BRINP3: variants seen among roughly 807,000 people sequenced by gnomAD.
BRINP3 encodes the protein BMP/retinoic acid-inducible neural-specific protein 3.
BRINP3 carries 19 observed loss-of-function variants against 71.0 expected under a neutral mutation model. The observed-to-expected ratio is 0.27, with a 90% CI of 0.19 to 0.39. The LOEUF (loss-of-function observed/expected upper bound fraction) is 0.39, where lower values mean the gene tolerates loss of function less well. BRINP3 is among the 10% of genes least tolerant of loss of function. The probability of loss-of-function intolerance (pLI) is 1.00; values close to 1 mark genes in which losing one functional copy is unlikely to be tolerated. For synonymous variants in BRINP3, 380 were observed against 337.7 expected, an observed-to-expected ratio of 1.13 and a Z score of -1.37; for missense variants, 959 against 940.8, an observed-to-expected ratio of 1.02 and a Z score of -0.25.
intron 7 of BRINP3, among the ~76,000 whole-genome samples, chr1:190,153,847 T>C (rs139605268): frequency 6.6e-6 from 1 of 152,136 alleles, no homozygotes; most frequent in Admixed American, 6.6e-5. Context: ...TAAGACTCTG[T>C]CTCAACAAAA....
At chr1:190,152,796 A>C (rs1201334726) in intron 7 of BRINP3, among the ~76,000 whole-genome samples, 1 of 152,072 alleles carries the variant, frequency 6.6e-6, no homozygotes, top group Non-Finnish European at 1.5e-5. Context: ...TTATAGTCGT[A>C]CTCTGCCTAA....
At chr1:190,392,712 T>C (rs1311604963) in intron 2 of BRINP3, among the ~76,000 whole-genome samples, 1 of 151,640 alleles carries the variant, frequency 6.6e-6, no homozygotes, top group Non-Finnish European at 1.5e-5. Flanking sequence ...ATTTAAAACC[T>C]CCATGTACAG....
chr1:190,397,196 G>A (rs1671635458), intron 2 of BRINP3, among the ~76,000 whole-genome samples: 1 of 151,956 alleles, frequency 6.6e-6, no homozygotes, highest in South Asian at 2.1e-4. Flanking sequence ...TACTTAGCAA[G>A]TGGGGACTTC....
chr1:190,113,090 TA>T (rs903508219), intron 7 of BRINP3, among the ~76,000 whole-genome samples: 2 of 152,184 alleles, frequency 1.3e-5, no homozygotes, highest in African/African-American at 4.8e-5. Context: ...CATATCGAAT[TA>T]TATTGTACAC....
chr1:190,377,089 ATTT>A (rs934243342), intron 2 of BRINP3, among the ~76,000 whole-genome samples: 20 of 151,978 alleles, frequency 1.3e-4, no homozygotes, highest in Admixed American at 5.9e-4. Context: ...TATTTTGATT[ATTT>A]TTAATTTTCA....
intron 4 of BRINP3, among the ~76,000 whole-genome samples, chr1:190,240,284 T>A (rs1410593337): frequency 6.6e-6 from 1 of 152,024 alleles, no homozygotes; most frequent in East Asian, 1.9e-4. Context: ...ACTATGCAGG[T>A]TTCCTTTGCC....
At chr1:190,456,138 A>G (rs188580608) in intron 1 of BRINP3, among the ~76,000 whole-genome samples, 2 of 152,338 alleles carry the variant, frequency 1.3e-5, no homozygotes, top group African/African-American at 2.4e-5. Context: ...GTATTTGAAT[A>G]AGAACACTGG....
intron 4 of BRINP3, among the ~76,000 whole-genome samples, chr1:190,250,152 T>C (rs1289601152): frequency 6.6e-6 from 1 of 151,916 alleles, no homozygotes; most frequent in Non-Finnish European, 1.5e-5. Context: ...AGAAATTCTA[T>C]GCCAAGCACA....
chr1:190,434,008 A>G (rs1176256019), intron 2 of BRINP3, among the ~76,000 whole-genome samples: 1 of 152,222 alleles, frequency 6.6e-6, no homozygotes, highest in Non-Finnish European at 1.5e-5. Flanking sequence ...TAATATGAGT[A>G]GTAAAGACCA....
At chr1:190,419,718 C>T (rs919473092) in intron 2 of BRINP3, among the ~76,000 whole-genome samples, 3 of 148,564 alleles carry the variant, frequency 2.0e-5, no homozygotes, top group Admixed American at 6.8e-5. Context: ...CACACACACA[C>T]GTTAGCTTTC....
intron 6 of BRINP3, among the ~76,000 whole-genome samples, chr1:190,204,744 C>T (rs1287105792): frequency 6.6e-6 from 1 of 151,790 alleles, no homozygotes; most frequent in Non-Finnish European, 1.5e-5. Flanking sequence ...ATTTCAGAGT[C>T]TCAAATAATA....
At chr1:190,360,496 G>A (rs1669070071) in intron 2 of BRINP3, among the ~76,000 whole-genome samples, 1 of 152,128 alleles carries the variant, frequency 6.6e-6, no homozygotes, top group African/African-American at 2.4e-5. Flanking sequence ...ATATCTAAGT[G>A]TGAACTTTAA....
At chr1:190,203,163 A>G (rs543833302) in intron 6 of BRINP3, among the ~76,000 whole-genome samples, 1 of 152,194 alleles carries the variant, frequency 6.6e-6, no homozygotes, top group Admixed American at 6.5e-5. Flanking sequence ...TCTCTTTCAC[A>G]AAGAGTAAGT....
At chr1:190,201,625 T>G (rs961873590) in intron 6 of BRINP3, among the ~76,000 whole-genome samples, 1 of 152,220 alleles carries the variant, frequency 6.6e-6, no homozygotes, top group Non-Finnish European at 1.5e-5. Flanking sequence ...TGTGGTTCCA[T>G]GGGCTGGGCC....
chr1:190,337,011 T>C (rs1171382), intron 2 of BRINP3, among the ~76,000 whole-genome samples: 60,978 of 151,380 alleles, frequency 0.4, 13,118 homozygotes, highest in Non-Finnish European at 0.49. Context: ...TATAGCTACA[T>C]ACAATATTAT....
intron 2 of BRINP3, among the ~76,000 whole-genome samples, chr1:190,329,901 T>C (rs545490693): frequency 2.2e-4 from 34 of 151,842 alleles, no homozygotes; most frequent in Non-Finnish European, 4.9e-4. Flanking sequence ...AAGGACACTC[T>C]AATATATGGT....
At chr1:190,141,704 C>A (rs745848555) in intron 7 of BRINP3, among the ~76,000 whole-genome samples, 1 of 151,542 alleles carries the variant, frequency 6.6e-6, no homozygotes, top group African/African-American at 2.4e-5. Flanking sequence ...GGGTTACAGG[C>A]GTGTGCCATC....
chr1:190,215,986 T>A (rs1288228013), intron 6 of BRINP3, among the ~76,000 whole-genome samples: 1 of 151,318 alleles, frequency 6.6e-6, no homozygotes, highest in African/African-American at 2.4e-5. Flanking sequence ...CTGTATTTCA[T>A]AATTATAAGT....
intron 2 of BRINP3, among the ~76,000 whole-genome samples, chr1:190,447,907 C>CA (rs1450233372): frequency 1.3e-5 from 2 of 151,422 alleles, no homozygotes; most frequent in Non-Finnish European, 3.0e-5. Context: ...ATACTCATCA[C>CA]AAAAAAGTGA....
Sources: allele counts gnomAD v4.1 joint callset (sites outside exome capture counted in the v4.1 genomes callset), GRCh38; gene constraint gnomAD v4.1.1; transcripts MANE v1.5; gene names NCBI Gene and HGNC (gene_info 2026-07-23, HGNC 2026-07-21).